Variants in TMC1 observed in about 807,000 individuals in gnomAD.
TMC1 encodes the protein transmembrane channel-like protein 1.
Under a neutral mutation model 105.8 loss-of-function variants are expected in TMC1, and 84 were observed. That is an observed-to-expected ratio of 0.79 (90% CI 0.67 to 0.95). The LOEUF (loss-of-function observed/expected upper bound fraction) is 0.95, where lower values mean the gene tolerates loss of function less well. TMC1 is among the 40% of genes least tolerant of loss of function. The pLI is 0.00. For synonymous variants in TMC1, 315 were observed against 311.5 expected (o/e 1.01, Z -0.12); for missense variants, 817 against 914.1 (o/e 0.89, Z 1.37).
intron 18 of TMC1, chr9:72,808,928 A>C (rs956560383): frequency 6.6e-6 from 1 of 152,328 alleles, no homozygotes; most frequent in Non-Finnish European, 1.5e-5. Flanking sequence ...GGTCGTCTCC[A>C]TCACCCTCAT....
intron 13 of TMC1, among the ~76,000 whole-genome samples, chr9:72,774,567 G>T (rs1399653551): frequency 1.3e-5 from 2 of 152,032 alleles, no homozygotes; most frequent in East Asian, 3.9e-4. Context: ...GATGCCATTT[G>T]GGATAGCTGC....
intron 15 of TMC1, among the ~76,000 whole-genome samples, chr9:72,791,676 A>C (rs1418111459): frequency 6.6e-6 from 1 of 152,202 alleles, no homozygotes; most frequent in East Asian, 1.9e-4. Context: ...GCACATACAC[A>C]CACTCAGTCA....
At chr9:72,699,170 C>T (rs1022412249) in intron 7 of TMC1, among the ~76,000 whole-genome samples, 4 of 152,042 alleles carry the variant, frequency 2.6e-5, no homozygotes, top group South Asian at 4.1e-4. Context: ...TTGCATGCCT[C>T]GATTTAAAAT....
At chr9:72,583,860 A>G (rs1824510001) in intron 2 of TMC1, among the ~76,000 whole-genome samples, 1 of 151,934 alleles carries the variant, frequency 6.6e-6, no homozygotes, top group Non-Finnish European at 1.5e-5. Context: ...TTATTATGGA[A>G]AAAGTAGTGT....
intron 1 of TMC1, among the ~76,000 whole-genome samples, chr9:72,544,053 G>C (rs1395221544): frequency 6.6e-6 from 1 of 150,434 alleles, no homozygotes; most frequent in African/African-American, 2.4e-5. Context: ...CCGGGTTAAA[G>C]TGATTCTTCT....
At chr9:72,745,324 G>A (rs1038465706) in intron 10 of TMC1, among the ~76,000 whole-genome samples, 1 of 152,098 alleles carries the variant, frequency 6.6e-6, no homozygotes, top group Non-Finnish European at 1.5e-5. Flanking sequence ...ATCTGTCTGG[G>A]TTCAAAACGT....
At position 72,600,804 on chromosome 9, in the gene TMC1, A is replaced by G. The variant is rs138307163; in HGVS notation, c.-305-15564A>G. The stretch of plus-strand genomic sequence containing the variant: ...TGAGCGTGGTTCTCAAACTTCGTTC[A>G]GTGCATACCAGAATCATCATGTGCG... On this transcript the variant is annotated intron_variant, in intron 2 of 23. Transcript: ENST00000297784. Among the ~76,000 whole-genome samples the G allele has an allele frequency of 7.2e-3, 1,097 of 152,298 alleles. 20 individuals carry two copies. The highest frequency in any genetic ancestry group is 0.025 in the African/African-American group (1,041 of 41,558).
intron 4 of TMC1, among the ~76,000 whole-genome samples, chr9:72,629,660 G>T (rs902623267): frequency 6.6e-6 from 1 of 151,978 alleles, no homozygotes; most frequent in East Asian, 1.9e-4. Flanking sequence ...AAAATCAAAG[G>T]CTTGAGAGCA....
intron 5 of TMC1, among the ~76,000 whole-genome samples, chr9:72,660,049 GA>G (rs1289349026): frequency 6.6e-6 from 1 of 152,044 alleles, no homozygotes; most frequent in Non-Finnish European, 1.5e-5. Context: ...CCTTGAGGAG[GA>G]GGATCATCAA....
intron 8 of TMC1, among the ~76,000 whole-genome samples, chr9:72,732,501 G>A (rs1827228416): frequency 6.6e-6 from 1 of 150,506 alleles, no homozygotes; most frequent in Non-Finnish European, 1.5e-5. Flanking sequence ...GGAGGCAGAG[G>A]TTGATTTGAG....
chr9:72,806,402 ACG>A (rs1828588363), intron 18 of TMC1, among the ~76,000 whole-genome samples: 2 of 135,562 alleles, frequency 1.5e-5, no homozygotes, highest in East Asian at 2.5e-4. Flanking sequence ...CGGGGGGCTG[ACG>A]CCCCCACCTC....
rs397517842 is a variant in TMC1 at position 72,772,512 on chromosome 9, G to T, written c.841G>T (p.Gly281Trp). Residue 281 changes from glycine (G) to tryptophan (W), a missense_variant, in exon 13 of 24, where the codon GGG becomes TGG. Transcript: ENST00000297784. ...FRLPLSYFLV[G>W]IMCIGYSFLV... The stretch of plus-strand genomic sequence containing the variant: ...GTTGCCGCTCTCCTATTTTCTAGTG[G>T]GGATTATGTGCATTGGATACAGCTT... 1 of 1,613,872 alleles carries T rather than the reference G, an allele frequency of 6.2e-7. No individual in the cohort carries two copies. Among genetic ancestry groups the T allele is most frequent in the Non-Finnish European group, 8.5e-7 (1 of 1,179,836 alleles).
At chr9:72,529,209 G>A (rs1823456370) in intron 1 of TMC1, among the ~76,000 whole-genome samples, 2 of 151,942 alleles carry the variant, frequency 1.3e-5, no homozygotes, top group Non-Finnish European at 2.9e-5. Flanking sequence ...TGAATACCAA[G>A]GGATAACTCT....
Position 72,577,990 on chromosome 9 carries a change from C to T in TMC1, c.-339C>T, listed in dbSNP as rs1824412786. 6.6e-6 allele frequency: 1 copy of T among 152,204 alleles called. No individual in the cohort carries two copies. Among genetic ancestry groups the T allele is most frequent in the Non-Finnish European group, 1.5e-5 (1 of 68,100 alleles). The allele number at this position is 152,204 out of a possible 1,614,324, so 9.4% of individuals were successfully genotyped here. A position where few individuals can be genotyped will look rare whatever the true frequency, so the allele number is the denominator to read the frequency against. On this transcript the variant is annotated 5_prime_UTR_variant, in exon 2 of 24. Transcript: ENST00000297784. ...CCGCCTCCCAGGTTCAAGTGATTCT[C>T]CTGCCTCGGCCTCCTGAGTAGCTGG...
At chr9:72,673,503 C>A (rs1384486587) in intron 5 of TMC1, among the ~76,000 whole-genome samples, 1 of 151,912 alleles carries the variant, frequency 6.6e-6, no homozygotes, top group Admixed American at 6.6e-5. Context: ...TCCTTTTTTT[C>A]ATACTGTATA....
intron 5 of TMC1, among the ~76,000 whole-genome samples, chr9:72,683,544 T>C (rs1393473895): frequency 3.3e-5 from 5 of 151,168 alleles, no homozygotes; most frequent in African/African-American, 1.2e-4. Flanking sequence ...ATAGCTTATT[T>C]TTTATAGTTT....
intron 1 of TMC1, among the ~76,000 whole-genome samples, chr9:72,524,877 G>GTTT (rs1461113618): frequency 6.6e-6 from 1 of 152,168 alleles, no homozygotes; most frequent in South Asian, 2.1e-4. Context: ...CAGATGTTTG[G>GTTT]AATCCTATGT....
At chr9:72,814,333 G>C (rs901130613) in intron 18 of TMC1, among the ~76,000 whole-genome samples, 1 of 152,096 alleles carries the variant, frequency 6.6e-6, no homozygotes, top group Non-Finnish European at 1.5e-5. Context: ...CCCCCAGAAG[G>C]AAAAAGACTC....
chr9:72,746,246 T>A (rs550581884), intron 10 of TMC1, among the ~76,000 whole-genome samples: 1 of 152,182 alleles, frequency 6.6e-6, no homozygotes, highest in Non-Finnish European at 1.5e-5. Context: ...AATATATATC[T>A]TATTTAATCC....
Sources: gnomAD v4.1 joint callset for allele counts (sites outside exome capture counted in the v4.1 genomes callset) on GRCh38, gnomAD v4.1.1 for gene constraint, MANE v1.5 for transcripts, NCBI Gene and HGNC (gene_info 2026-07-23, HGNC 2026-07-21) for gene names.